The following CACNA1A variants were observed in gnomAD, a reference collection of about 807,000 sequenced individuals.
CACNA1A encodes the protein voltage-dependent P/Q-type calcium channel subunit alpha-1A.
A neutral mutation model predicts 262.4 loss-of-function variants in CACNA1A; 57 were observed. The ratio of observed to expected loss-of-function variants is 0.22; its 90% CI spans 0.18 to 0.27. The LOEUF is 0.27. CACNA1A is among the 10% of genes least tolerant of loss of function. The pLI is 1.00. For missense variants in CACNA1A, 2,526 were observed against 3,562.8 expected (o/e 0.71, Z 7.41); for synonymous variants, 1,431 against 1,419.3 (o/e 1.01, Z -0.18).
intron 6 of CACNA1A, among the ~76,000 whole-genome samples, chr19:13,351,106 T>C (rs763395152): frequency 2.4e-4 from 36 of 152,160 alleles, no homozygotes; most frequent in African/African-American, 3.9e-4. Context: ...TTGGTTAAAG[T>C]GGTATCTATC....
chr19:13,358,337 G>A (rs1342851075), intron 6 of CACNA1A, among the ~76,000 whole-genome samples: 2 of 152,064 alleles, frequency 1.3e-5, no homozygotes, highest in East Asian at 1.9e-4. Flanking sequence ...AGGCAGAGGC[G>A]GGAGGATTGC....
intron 15 of CACNA1A, chr19:13,307,521 A>T (rs1410679386): frequency 2.8e-5 from 12 of 421,498 alleles, no homozygotes. Context: ...GGTGTGAGCC[A>T]CCGTACCTGG....
intron 1 of CACNA1A, among the ~76,000 whole-genome samples, chr19:13,493,701 T>G (rs1159732991): frequency 6.6e-6 from 1 of 152,268 alleles, no homozygotes; most frequent in African/African-American, 2.4e-5. Flanking sequence ...GACAGGAATT[T>G]CATTCAGAAA....
intron 3 of CACNA1A, among the ~76,000 whole-genome samples, chr19:13,397,561 CAGTT>C (rs897245067): frequency 2.0e-5 from 3 of 152,144 alleles, no homozygotes; most frequent in African/African-American, 7.2e-5. Context: ...CCTGGATGCT[CAGTT>C]AGACTCCGTT....
At chr19:13,272,785 G>A (rs1393690300) in intron 24 of CACNA1A, 4 of 151,948 alleles carry the variant, frequency 2.6e-5, no homozygotes, top group Admixed American at 2.0e-4. Flanking sequence ...AAGGCAGAGA[G>A]GGGTGGAGAA....
Position 13,207,141 on chromosome 19 carries a change from C to G in CACNA1A, c.*172G>C. ...AGGAGGGTCTCTTTTGGCCGAGGGT[C>G]TCTGCGGGACACCCTTGTGGCCCAG... On this transcript the variant is annotated 3_prime_UTR_variant, in exon 47 of 47. Coordinates refer to ENST00000360228, the MANE Select transcript of CACNA1A (RefSeq NM_001127222.2). This position sits in a 1 kb window ranked among gnomAD's most constrained non-coding sequence, Gnocchi z 5.7. 4.5e-6 allele frequency: 3 copies of G among 672,784 alleles called. No individual in the cohort carries two copies. Among genetic ancestry groups the G allele is most frequent in the Non-Finnish European group, 6.7e-6 (3 of 447,640 alleles). 41.7% of individuals were successfully genotyped at this position (672,784 alleles called of 1,614,324 possible). A position where few individuals can be genotyped will look rare whatever the true frequency, so the allele number is the denominator to read the frequency against.
In CACNA1A at chr19:13,243,388, C is replaced by G. The variant is rs144187098; in HGVS notation, c.4950+1794G>C. The stretch of plus-strand genomic sequence containing the variant: ...CCTCTTTTGTGTAGTTCCCCAGCCC[C>G]TCCTGGCCTTCTAGGACGGAAGAGC... On this transcript the variant is annotated intron_variant, in intron 31 of 46. Transcript: ENST00000360228. Among the ~76,000 whole-genome samples the G allele has an allele frequency of 6.4e-3, 972 of 152,286 alleles. 12 individuals carry two copies. The highest frequency in any genetic ancestry group is 0.022 in the African/African-American group (903 of 41,570).
chr19:13,341,820 G>A (rs527609543), intron 6 of CACNA1A, among the ~76,000 whole-genome samples: 4 of 151,856 alleles, frequency 2.6e-5, no homozygotes, highest in South Asian at 2.1e-4. Flanking sequence ...TTGTTCTCTC[G>A]TCTTCCTGGC....
intron 3 of CACNA1A, among the ~76,000 whole-genome samples, chr19:13,423,669 G>A (rs1257193892): frequency 1.3e-5 from 2 of 151,798 alleles, no homozygotes; most frequent in South Asian, 2.1e-4. Context: ...GCACCACCAC[G>A]CCTGGTTAAT....
intron 3 of CACNA1A, 183 bp downstream of exon 3, chr19:13,452,693 A>G: frequency 1.8e-6 from 1 of 551,734 alleles, no homozygotes; most frequent in South Asian, 3.3e-5. Context: ...AACAGAAAGC[A>G]TCTGCTGTAA....
At chr19:13,234,350 C>CAAAAAAAAAAAAAAAAAAAA (rs71168693) in intron 34 of CACNA1A, among the ~76,000 whole-genome samples, 3 of 71,244 alleles carry the variant, frequency 4.2e-5, no homozygotes, top group Non-Finnish European at 7.2e-5. Flanking sequence ...ACTCCATCTC[C>CAAAAAAAAAAAAAAAAAAAA]AAAAAAAAAA....
chr19:13,405,195 CATT>C (rs1306713591), intron 3 of CACNA1A, among the ~76,000 whole-genome samples: 2 of 150,124 alleles, frequency 1.3e-5, no homozygotes, highest in African/African-American at 4.9e-5. Context: ...CGCGCCCGGC[CATT>C]ATTATTATTT....
chr19:13,319,782 T>C (rs2058209095), intron 10 of CACNA1A, among the ~76,000 whole-genome samples: 1 of 152,138 alleles, frequency 6.6e-6, no homozygotes, highest in South Asian at 2.1e-4. Flanking sequence ...GCAGGGAACA[T>C]GTTTTATACG....
At chr19:13,265,655 TC>T (rs1458304152) in intron 24 of CACNA1A, among the ~76,000 whole-genome samples, 10 of 152,132 alleles carry the variant, frequency 6.6e-5, no homozygotes, top group Non-Finnish European at 1.2e-4. Flanking sequence ...CATTTCTTTT[TC>T]TTTCTTTCTT....
At chr19:13,404,543 C>G (rs1244265548) in intron 3 of CACNA1A, among the ~76,000 whole-genome samples, 1 of 152,082 alleles carries the variant, frequency 6.6e-6, no homozygotes, top group Non-Finnish European at 1.5e-5. Flanking sequence ...GGCAAGTGGC[C>G]CAGGCTGCCC....
At chr19:13,298,469 C>G in intron 19 of CACNA1A, 75 bp downstream of exon 19, 1 of 1,304,648 alleles carries the variant, frequency 7.7e-7, no homozygotes, top group Non-Finnish European at 1.1e-6. Context: ...AACAAATACA[C>G]AGCACGTGCT....
intron 20 of CACNA1A, 37 bp downstream of exon 20, chr19:13,286,466 G>A: frequency 9.3e-7 from 1 of 1,077,568 alleles, no homozygotes; most frequent in Non-Finnish European, 1.3e-6. Flanking sequence ...GGGACGCCAG[G>A]TCCCCTGCCC....
At position 13,286,561 on chromosome 19, in the gene CACNA1A, G is replaced by C; in HGVS notation, c.3495C>G (p.His1165Gln). 6.5e-7 allele frequency: 1 copy of C among 1,549,948 alleles called. No homozygotes were observed. The highest frequency in any genetic ancestry group is 1.4e-5 in the African/African-American group (1 of 72,544). ...NSAKTARKPD[H>Q]TTVDIPPACP... ...AGGCTGGGGGGATGTCCACTGTGGT[G>C]TGGTCGGGTTTCCTGGCAGTCTTAG... is the stretch of plus-strand genomic sequence containing the variant. Residue 1165 changes from histidine (H) to glutamine (Q), a missense_variant, in exon 20 of 47, where the codon CAC (histidine) becomes CAG (glutamine). This residue lies in a region of CACNA1A where 765 missense variants were observed against 748.6 expected (regional missense o/e 1.02). Transcript: ENST00000360228.
intron 30 of CACNA1A, among the ~76,000 whole-genome samples, chr19:13,249,630 C>T (rs1401814917): frequency 1.3e-5 from 2 of 152,184 alleles, no homozygotes; most frequent in African/African-American, 4.8e-5. Context: ...GCTGCGATTA[C>T]AGGTGTCAGC....
Sources: allele counts gnomAD v4.1 joint callset (sites outside exome capture counted in the v4.1 genomes callset), GRCh38; gene constraint gnomAD v4.1.1; regional missense constraint gnomAD v4.1.1; non-coding constraint Gnocchi (gnomAD v3.1); transcripts MANE v1.5; gene names NCBI Gene and HGNC (gene_info 2026-07-23, HGNC 2026-07-21).